Variants in PIKFYVE observed in about 807,000 individuals in gnomAD.
PIKFYVE encodes the protein phosphoinositide kinase, FYVE-type zinc finger containing.
In PIKFYVE, 122 loss-of-function variants were observed where a neutral mutation model predicts 257.9. The observed-to-expected ratio is 0.47, with a 90% CI of 0.41 to 0.55. PIKFYVE has a LOEUF of 0.55. Among genes scored for constraint, PIKFYVE ranks in the 20% least tolerant of loss-of-function variants. The pLI, the probability that PIKFYVE is intolerant of heterozygous loss-of-function variation, is 0.00. For synonymous variants in PIKFYVE, 892 were observed against 868.9 expected, an observed-to-expected ratio of 1.03 and a Z score of -0.47; for missense variants, 2,160 against 2,536.6, an observed-to-expected ratio of 0.85 and a Z score of 3.19.
At position 208,286,013 on chromosome 2, in the gene PIKFYVE, A is replaced by C. The variant is rs181533536; in HGVS notation, c.821+80A>C. On this transcript the variant is annotated intron_variant, in intron 6 of 41. Coordinates refer to ENST00000264380, the MANE Select transcript of PIKFYVE (RefSeq NM_015040.4). ...TGACCTTTGAGTGCTTTCAGTTAAC[A>C]CTTACCCTCTTAGAATTATTTCCTG... The C allele has an allele frequency of 1.2e-3, 1,538 of 1,334,254 alleles. 1 individual carries two copies. Among genetic ancestry groups the C allele is most frequent in the Non-Finnish European group, 1.5e-3 (1,420 of 945,318 alleles). 82.7% of individuals were successfully genotyped at this position (1,334,254 alleles called of 1,614,324 possible).
intron 16 of PIKFYVE, among the ~76,000 whole-genome samples, chr2:208,319,329 A>G (rs1449613231): frequency 2.6e-5 from 4 of 152,242 alleles, no homozygotes; most frequent in Non-Finnish European, 5.9e-5. Flanking sequence ...TTTTATTGCA[A>G]TAATTCGACA....
intron 20 of PIKFYVE, among the ~76,000 whole-genome samples, chr2:208,327,950 G>A (rs1020176641): frequency 6.6e-6 from 1 of 152,116 alleles, no homozygotes; most frequent in Non-Finnish European, 1.5e-5. Context: ...AAGAAAACAA[G>A]CTATCTAGAC....
At chr2:208,350,471 T>C (rs1699673262) in intron 36 of PIKFYVE, among the ~76,000 whole-genome samples, 1 of 152,182 alleles carries the variant, frequency 6.6e-6, no homozygotes, top group African/African-American at 2.4e-5. Flanking sequence ...AAAAGTACAA[T>C]GATGTTAATA....
chr2:208,347,732 A>C, intron 34 of PIKFYVE, 127 bp from the exon 35 acceptor site: 1 of 817,514 alleles, frequency 1.2e-6, no homozygotes, highest in Non-Finnish European at 2.0e-6. Context: ...AAACAAAAGT[A>C]TTTGCATTAC....
intron 6 of PIKFYVE, among the ~76,000 whole-genome samples, 178 bp downstream of exon 6, chr2:208,286,111 T>C (rs1189472201): frequency 6.6e-6 from 1 of 152,196 alleles, no homozygotes; most frequent in East Asian, 1.9e-4. Context: ...ATAGTGATGA[T>C]ATTGGCTAAT....
chr2:208,352,806 G>A (rs746288116), intron 39 of PIKFYVE, 24 bp downstream of exon 39: 5 of 1,609,630 alleles, frequency 3.1e-6, no homozygotes, highest in Non-Finnish European at 4.2e-6. Flanking sequence ...ACTATGTGAA[G>A]CATTTAGCTA....
chr2:208,348,598 A>AGTGTGTGTG (rs1559172593), intron 35 of PIKFYVE, among the ~76,000 whole-genome samples: 9 of 63,980 alleles, frequency 1.4e-4, no homozygotes, highest in African/African-American at 5.6e-4. Context: ...AAAAAAAAAA[A>AGTGTGTGTG]AGTGTGTGTG....
At chr2:208,308,434 T>C (rs1480795694) in intron 12 of PIKFYVE, among the ~76,000 whole-genome samples, 4 of 151,938 alleles carry the variant, frequency 2.6e-5, no homozygotes, top group African/African-American at 9.7e-5. Context: ...ATATTATTCT[T>C]AGTGGTGAGA....
chr2:208,279,176 T>G, intron 5 of PIKFYVE, among the ~76,000 whole-genome samples: 1 of 152,344 alleles, frequency 6.6e-6, no homozygotes, highest in Middle Eastern at 3.4e-3. Flanking sequence ...CATTTTTTCA[T>G]GTTTGTTGGC....
intron 36 of PIKFYVE, 37 bp from the exon 37 acceptor site, chr2:208,350,734 T>G (rs752013042): frequency 6.2e-7 from 1 of 1,606,654 alleles, no homozygotes; most frequent in Non-Finnish European, 8.5e-7. Flanking sequence ...ATTTTCTGAG[T>G]CATAAAGCTT....
chr2:208,335,154 T>C, intron 24 of PIKFYVE, 152 bp from the exon 25 acceptor site: 1 of 656,686 alleles, frequency 1.5e-6, no homozygotes. Flanking sequence ...TTGTAACAGC[T>C]AAAAATTATT....
At chr2:208,304,660 A>G (rs192509368) in intron 11 of PIKFYVE, among the ~76,000 whole-genome samples, 186 bp from the exon 12 acceptor site, 35 of 152,324 alleles carry the variant, frequency 2.3e-4, no homozygotes, top group African/African-American at 7.9e-4. Context: ...TTGATTTTAT[A>G]TTTAACTTGT....
In PIKFYVE at chr2:208,329,187, G is replaced by A. The variant is rs58190865; in HGVS notation, c.3720-655G>A. Among the ~76,000 whole-genome samples, 509 of 152,164 alleles carry A rather than the reference G, an allele frequency of 3.3e-3. 3 individuals are homozygous for A. Among genetic ancestry groups the A allele is most frequent in the African/African-American group, 0.012 (493 of 41,516 alleles). On this transcript the variant is annotated intron_variant, in intron 21 of 41. Coordinates refer to ENST00000264380, the MANE Select transcript of PIKFYVE (RefSeq NM_015040.4). ...TACTATGGAACATAACTTCTTGTTTGGGGGCACTGTCTCCATGCCAGAACA... is the reference window on the plus strand; with the variant it reads ...TACTATGGAACATAACTTCTTGTTTAGGGGCACTGTCTCCATGCCAGAACA...
intron 7 of PIKFYVE, among the ~76,000 whole-genome samples, chr2:208,295,439 C>T (rs1223080934): frequency 6.6e-6 from 1 of 152,050 alleles, no homozygotes; most frequent in Admixed American, 6.5e-5. Flanking sequence ...TGATTTTCCC[C>T]CCAATCTGTG....
At position 208,357,581 on chromosome 2, in the gene PIKFYVE, G is replaced by T. The variant is rs1412772538; in HGVS notation, c.*2276G>T. On this transcript the variant is annotated 3_prime_UTR_variant, in exon 42 of 42. Transcript: ENST00000264380. ...AATACATTCTGAAACAATAGTTGCT[G>T]CCTTGCAAAGGTAATCTCTCATTTT... is the stretch of plus-strand genomic sequence containing the variant. 1 of 151,066 alleles carries T rather than the reference G, an allele frequency of 6.6e-6. No individual in the cohort carries two copies. Among genetic ancestry groups the T allele is most frequent in the Non-Finnish European group, 1.5e-5 (1 of 67,972 alleles). 9.4% of individuals were successfully genotyped at this position (151,066 alleles called of 1,614,324 possible).
In PIKFYVE at chr2:208,276,842, A is replaced by G. The variant is rs771627427; in HGVS notation, c.441+12A>G. 1.9e-6 allele frequency: 3 copies of G among 1,594,948 alleles called. No homozygotes were observed. The highest frequency in any genetic ancestry group is 2.6e-6 in the Non-Finnish European group (3 of 1,163,088). On this transcript the variant is annotated intron_variant, in intron 4 of 41. Transcript: ENST00000264380. Reference sequence around the variant, plus strand: ...AGGGGAAAAGCCAGGTACTGTCTAGAGGCTTTGGAAGATTACTTATTAAGC... The same window carrying G: ...AGGGGAAAAGCCAGGTACTGTCTAGGGGCTTTGGAAGATTACTTATTAAGC...
Position 208,325,032 on chromosome 2 carries a change from C to T in PIKFYVE, c.2453C>T (p.Pro818Leu). 1.2e-6 allele frequency: 2 copies of T among 1,614,020 alleles called. No individual in the cohort carries two copies. Among genetic ancestry groups the T allele is most frequent in the Non-Finnish European group, 1.7e-6 (2 of 1,179,976 alleles). Residue 818 changes from proline (P) to leucine (L), a missense_variant, in exon 19 of 42, where the codon CCT becomes CTT. By Grantham distance (98) the Pro-to-Leu change is moderately conservative (BLOSUM62 -3). Transcript: ENST00000264380. ...HKFYMQIFQL[P>L]NEQTKTLMFF... ...TTTTATATGCAGATATTTCAGTTGC[C>T]TAATGGTGAGTGATCTTTAGCATAG... is the stretch of plus-strand genomic sequence containing the variant.
Position 208,326,122 on chromosome 2 carries a change from A to C in PIKFYVE, c.3311A>C (p.Lys1104Thr). 3 of 1,614,164 alleles carry C rather than the reference A, an allele frequency of 1.9e-6. No individual in the cohort carries two copies. Among genetic ancestry groups the C allele is most frequent in the Non-Finnish European group, 1.7e-6 (2 of 1,180,032 alleles). ...EFKEMENRRK[K>T]QLLRDLSGLQ... ...AAAGAAATGGAGAACAGGAGGAAGA[A>C]ACAGCTGCTCAGGGATCTCTCTGGA... Residue 1104 changes from lysine to threonine, a missense_variant, in exon 20 of 42, where the codon AAA (lysine) becomes ACA (threonine). Lys to Thr is a moderately conservative substitution (Grantham distance 78, BLOSUM62 -1). Around this residue, in one of 12 missense-constraint regions of PIKFYVE, gnomAD observed 522 missense variants for 514.6 expected, o/e 1.01. Transcript: ENST00000264380.
rs541353793 is a variant in PIKFYVE, at chr2:208,311,099, A to T, written c.1637-1137A>T. ...TGTTGAACTCAGGTGGATGGTATAC[A>T]GCATTTTCTGTAGGTTTGAATTTTT... On this transcript the variant is annotated intron_variant, in intron 12 of 41. Coordinates refer to ENST00000264380, the MANE Select transcript of PIKFYVE (RefSeq NM_015040.4). Among the ~76,000 whole-genome samples the T allele has an allele frequency of 1.2e-3, 182 of 152,300 alleles. 1 individual carries two copies. The highest frequency in any genetic ancestry group is 4.2e-3 in the African/African-American group (174 of 41,566).
Sources: gnomAD v4.1 joint callset for allele counts (sites outside exome capture counted in the v4.1 genomes callset) on GRCh38, gnomAD v4.1.1 for gene constraint, gnomAD v4.1.1 regional missense constraint, MANE v1.5 for transcripts, NCBI Gene and HGNC (gene_info 2026-07-23, HGNC 2026-07-21) for gene names.